CKAP5: variants seen among roughly 807,000 people sequenced by gnomAD.
The protein encoded by CKAP5 is cytoskeleton-associated protein 5.
A neutral mutation model predicts 232.8 loss-of-function variants in CKAP5; 27 were observed. The observed-to-expected ratio is 0.12, with a 90% CI of 0.09 to 0.16. The LOEUF is 0.16. Among genes scored for constraint, CKAP5 ranks in the 10% least tolerant of loss-of-function variants. The pLI is 1.00. For missense variants in CKAP5, 1,838 were observed against 2,424.7 expected (o/e 0.76, Z 5.08); for synonymous variants, 785 against 841.1 (o/e 0.93, Z 1.16).
chr11:46,841,136 G>A (rs932194954), intron 1 of CKAP5, among the ~76,000 whole-genome samples: 1 of 152,148 alleles, frequency 6.6e-6, no homozygotes, highest in Non-Finnish European at 1.5e-5. Context: ...TGGGTGTTGT[G>A]GTGGGTTCTT....
At chr11:46,844,452 A>G (rs1940130780) in intron 1 of CKAP5, among the ~76,000 whole-genome samples, 1 of 152,180 alleles carries the variant, frequency 6.6e-6, no homozygotes, top group Admixed American at 6.5e-5. Flanking sequence ...CACCAAAAAA[A>G]CAGGTGCTGC....
At chr11:46,808,498 G>C (rs773416561) in intron 7 of CKAP5, among the ~76,000 whole-genome samples, 3 of 152,098 alleles carry the variant, frequency 2.0e-5, no homozygotes, top group Non-Finnish European at 4.4e-5. Flanking sequence ...CCAAGATCGC[G>C]CCACTGCACT....
intron 1 of CKAP5, among the ~76,000 whole-genome samples, chr11:46,842,591 A>G (rs1423795622): frequency 6.6e-6 from 1 of 152,216 alleles, no homozygotes; most frequent in Non-Finnish European, 1.5e-5. Flanking sequence ...ACAGATGCTA[A>G]TAAAACCATT....
At chr11:46,832,257 A>G (rs1210830972) in intron 1 of CKAP5, among the ~76,000 whole-genome samples, 1 of 152,238 alleles carries the variant, frequency 6.6e-6, no homozygotes, top group African/African-American at 2.4e-5. Context: ...AAAGTGAAAA[A>G]AATCACTCAG....
chr11:46,807,933 T>G, intron 8 of CKAP5, 98 bp downstream of exon 8: 1 of 779,254 alleles, frequency 1.3e-6, no homozygotes, highest in Non-Finnish European at 2.1e-6. Flanking sequence ...GTAATGTTCC[T>G]TAAGTGGCAA....
intron 32 of CKAP5, 83 bp from the exon 33 acceptor site, chr11:46,760,867 G>T: frequency 8.3e-7 from 1 of 1,197,844 alleles, no homozygotes; most frequent in Non-Finnish European, 1.2e-6. Context: ...AACCTTCTAT[G>T]TTAGGACATG....
intron 35 of CKAP5, among the ~76,000 whole-genome samples, chr11:46,757,887 AT>A (rs947880979): frequency 2.3e-3 from 248 of 108,154 alleles, no homozygotes; most frequent in Non-Finnish European, 1.7e-3. Context: ...CACCTGGCCT[AT>A]TTTTTTTTTT....
At position 46,790,516 on chromosome 11, in the gene CKAP5, T is replaced by C. The variant is rs1221553326; in HGVS notation, c.1718A>G (p.Asn573Ser). The change falls in exon 14 of 44, where the codon AAC (asparagine) becomes AGC (serine). Residue 573 changes from asparagine to serine, a missense_variant. By Grantham distance (46) the Asn-to-Ser change is conservative. This residue lies in a region of CKAP5 where 767 missense variants were observed against 954.6 expected (regional missense o/e 0.80). Transcript: ENST00000529230. ...TTCTTTAGTCTCCAGTCCTTTCTTG[T>C]TCTTGGTTCCAGTATTCCCTGCGCC... Reference protein sequence around the residue: ...PGGAGNTGTKNKKGLETKEIV... With the variant: ...PGGAGNTGTKSKKGLETKEIV... 32 of 1,614,024 alleles carry C rather than the reference T, an allele frequency of 2.0e-5. No homozygotes were observed. The highest frequency in any genetic ancestry group is 5.0e-5 in the Admixed American group (3 of 59,988).
At chr11:46,824,424 A>C in intron 1 of CKAP5, among the ~76,000 whole-genome samples, 1 of 152,300 alleles carries the variant, frequency 6.6e-6, no homozygotes, top group Middle Eastern at 3.4e-3. Flanking sequence ...CTCCATTCCT[A>C]GGTGTATAGC....
rs750026082 is a variant in CKAP5 at position 46,762,203 on chromosome 11, G to GA, written c.4028-11dup. On this transcript the variant is annotated splice_polypyrimidine_tract_variant and intron_variant, in intron 31 of 43. Transcript: ENST00000529230. The stretch of plus-strand genomic sequence containing the variant: ...AGCTCTTCCAGGCACTCTGATGGGG[G>GA]AGAAAGGCTAGATTAATGAGACAAC... 3.7e-6 allele frequency: 6 copies of GA among 1,612,032 alleles called. No homozygotes were observed. Among genetic ancestry groups the GA allele is most frequent in the Admixed American group, 1.7e-5 (1 of 59,818 alleles).
At chr11:46,760,002 A>C (rs988114989) in intron 33 of CKAP5, among the ~76,000 whole-genome samples, 2 of 152,222 alleles carry the variant, frequency 1.3e-5, no homozygotes, top group Admixed American at 1.3e-4. Context: ...TTCCAAATTC[A>C]AGTTCGTTAA....
chr11:46,759,052 CA>C lies in CKAP5; in HGVS notation c.4569-10del. 1 of 1,612,054 alleles carries C rather than the reference CA, an allele frequency of 6.2e-7. No homozygotes were observed. The highest frequency in any genetic ancestry group is 8.5e-7 in the Non-Finnish European group (1 of 1,179,444). ...GAGAAACAGCCCGGATCCTAGATAG[CA>C]GAACAAAGAGAAAACTTCAACCTCT... On this transcript the variant is annotated splice_polypyrimidine_tract_variant and intron_variant, in intron 34 of 43. Coordinates refer to ENST00000529230, the MANE Select transcript of CKAP5 (RefSeq NM_001008938.4).
At chr11:46,832,096 G>A (rs959719239) in intron 1 of CKAP5, among the ~76,000 whole-genome samples, 2 of 152,088 alleles carry the variant, frequency 1.3e-5, no homozygotes, top group Non-Finnish European at 2.9e-5. Context: ...CTGGACTCAA[G>A]TGAACTGCCT....
intron 38 of CKAP5, 141 bp from the exon 39 acceptor site, chr11:46,751,675 G>GTTT (rs2065065532): frequency 1.4e-6 from 1 of 699,260 alleles, no homozygotes; most frequent in Non-Finnish European, 2.3e-6. Context: ...TTCAAGTTCA[G>GTTT]CTGCTAAAAC....
intron 1 of CKAP5, among the ~76,000 whole-genome samples, chr11:46,825,970 T>G (rs761148538): frequency 6.7e-6 from 1 of 148,234 alleles, no homozygotes; most frequent in Non-Finnish European, 1.5e-5. Context: ...TCCCTCAAAT[T>G]AAAAAAAAAA....
chr11:46,821,110 T>G, intron 2 of CKAP5, 65 bp downstream of exon 2: 1 of 1,103,266 alleles, frequency 9.1e-7, no homozygotes, highest in Non-Finnish European at 1.4e-6. Context: ...CTAAGTAAGA[T>G]GATAGTATAA....
Position 46,744,452 on chromosome 11 carries a change from G to C in CKAP5, c.5830C>G (p.Gln1944Glu). The C allele has an allele frequency of 6.2e-7, 1 of 1,614,142 alleles. No homozygotes were observed. Among genetic ancestry groups the C allele is most frequent in the Non-Finnish European group, 8.5e-7 (1 of 1,180,030 alleles). Residue 1944 changes from glutamine (Q) to glutamate (E), a missense_variant, in exon 43 of 44, where the codon CAG becomes GAG. Gln to Glu is a conservative substitution (Grantham distance 29). Around this residue, in one of 6 missense-constraint regions of CKAP5, gnomAD observed 579 missense variants for 843.2 expected, o/e 0.69. Coordinates refer to ENST00000529230, the MANE Select transcript of CKAP5 (RefSeq NM_001008938.4). ...VYLERLKILR[Q>E]RCGLDNTKQD... ...TTTGTGTTGTCCAGACCACATCGCT[G>C]TCGGAGGATCTTTAGCCTTTCCAAG...
In CKAP5 at chr11:46,816,153, T is replaced by G. The variant is rs768707210; in HGVS notation, c.458+45A>C. On this transcript the variant is annotated intron_variant, in intron 4 of 43. Transcript: ENST00000529230. ...AAACTGGTCCCTGGTGCCAAAAAGG[T>G]TGGGGACTGCTGCTCTAGTTAACAA... The G allele has an allele frequency of 4.6e-6, 7 of 1,511,496 alleles. No individual in the cohort carries two copies. The South Asian group carries it at 8.0e-5, about 17-fold the overall frequency. The allele number at this position is 1,511,496 out of a possible 1,614,324, so 93.6% of individuals were successfully genotyped here.
chr11:46,812,440 T>A (rs1939296817), intron 4 of CKAP5, among the ~76,000 whole-genome samples: 1 of 152,216 alleles, frequency 6.6e-6, no homozygotes, highest in Non-Finnish European at 1.5e-5. Flanking sequence ...AATATCACTA[T>A]TAACATTTGT....
Sources: allele counts gnomAD v4.1 joint callset (sites outside exome capture counted in the v4.1 genomes callset), GRCh38; gene constraint gnomAD v4.1.1; regional missense constraint gnomAD v4.1.1; transcripts MANE v1.5; gene names NCBI Gene and HGNC (gene_info 2026-07-23, HGNC 2026-07-21).